The following JARID2 variants were observed in gnomAD, a reference collection of about 807,000 sequenced individuals.
The protein encoded by JARID2 is protein Jumonji.
JARID2 carries 21 observed loss-of-function variants against 125.6 expected under a neutral mutation model. The ratio of observed to expected loss-of-function variants is 0.17; its 90% CI spans 0.12 to 0.24. The LOEUF (loss-of-function observed/expected upper bound fraction) is 0.24, where lower values mean the gene tolerates loss of function less well. Ranked by LOEUF, JARID2 falls within the 10% of genes least tolerant of loss-of-function variation. The pLI, the probability that JARID2 is intolerant of heterozygous loss-of-function variation, is 1.00. For missense variants in JARID2, 1,303 were observed against 1,639.6 expected, an observed-to-expected ratio of 0.79 and a Z score of 3.55; for synonymous variants, 736 against 661.6, an observed-to-expected ratio of 1.11 and a Z score of -1.73.
At chr6:15,438,812 T>G (rs1047146349) in intron 3 of JARID2, among the ~76,000 whole-genome samples, 10 of 152,152 alleles carry the variant, frequency 6.6e-5, no homozygotes, top group African/African-American at 2.4e-4. Context: ...GCGGATTGCC[T>G]GAGGTCAGGA....
intron 1 of JARID2, among the ~76,000 whole-genome samples, chr6:15,276,991 T>C (rs1355045524): frequency 6.6e-6 from 1 of 152,186 alleles, no homozygotes; most frequent in Non-Finnish European, 1.5e-5. Context: ...ACCATGAAGT[T>C]CGTTAGAAGA....
intron 1 of JARID2, among the ~76,000 whole-genome samples, chr6:15,283,805 A>T (rs972524070): frequency 6.8e-6 from 1 of 147,322 alleles, no homozygotes; most frequent in Non-Finnish European, 1.5e-5. Flanking sequence ...TCCTGGGTTC[A>T]TGCCATTCTC....
At chr6:15,509,226 G>A (rs1384092106) in intron 12 of JARID2, 17 of 1,210,392 alleles carry the variant, frequency 1.4e-5, no homozygotes, top group African/African-American at 4.7e-5. Context: ...CTTTGTTTAC[G>A]GCGGCAGATG....
rs141007316 is a variant in JARID2, at chr6:15,250,545, C to T, written c.45+3961C>T. Among the ~76,000 whole-genome samples the T allele has an allele frequency of 2.0e-4, 30 of 152,228 alleles. No homozygotes were observed. In the East Asian group the frequency reaches 5.6e-3, roughly 28 times the overall value. On this transcript the variant is annotated intron_variant, in intron 1 of 17. Transcript: ENST00000341776. ...TTTAGCTCCTATCACTGTACAGGGA[C>T]AGTATGGAAGGAAGACACAATGAAG... is the stretch of plus-strand genomic sequence containing the variant.
intron 17 of JARID2, among the ~76,000 whole-genome samples, chr6:15,518,265 G>A (rs988076321): frequency 1.3e-5 from 2 of 152,160 alleles, no homozygotes; most frequent in South Asian, 2.1e-4. Context: ...CCTGGAAAGC[G>A]CTCTGTGAAT....
At chr6:15,257,422 A>G (rs905591158) in intron 1 of JARID2, among the ~76,000 whole-genome samples, 6 of 152,074 alleles carry the variant, frequency 3.9e-5, no homozygotes, top group African/African-American at 1.4e-4. Context: ...TATTTTTGTT[A>G]CCTCCTGTTT....
chr6:15,439,968 T>C (rs1767375195), intron 3 of JARID2, among the ~76,000 whole-genome samples: 1 of 152,236 alleles, frequency 6.6e-6, no homozygotes, highest in Non-Finnish European at 1.5e-5. Flanking sequence ...CCAGCAATGC[T>C]GTACCTTTAG....
intron 6 of JARID2, among the ~76,000 whole-genome samples, chr6:15,490,737 G>T (rs1770111451): frequency 2.0e-5 from 3 of 152,212 alleles, no homozygotes; most frequent in Non-Finnish European, 4.4e-5. Context: ...CTGCTTACAT[G>T]CAGTGACAGA....
At position 15,452,015 on chromosome 6, in the gene JARID2, G is replaced by A; in HGVS notation, c.333G>A (p.Leu111=). 5 of 1,613,304 alleles carry A rather than the reference G, an allele frequency of 3.1e-6. No individual in the cohort carries two copies. Among genetic ancestry groups the A allele is most frequent in the Non-Finnish European group, 4.2e-6 (5 of 1,179,718 alleles). The change falls in exon 4 of 18, where the codon CTG becomes CTA. Residue 111 remains leucine (L), a synonymous_variant. Transcript: ENST00000341776. The part of the protein sequence containing the change: ...EEGPSRKRPR[L]QAQRKFAQSQ... The stretch of plus-strand genomic sequence containing the variant: ...TCTTTTGCTTTTGCAGGCCCAGGCT[G>A]CAAGCACAAAGGAAGTTTGCTCAGT...
chr6:15,331,619 A>G (rs1561796650), intron 1 of JARID2, among the ~76,000 whole-genome samples: 1 of 152,120 alleles, frequency 6.6e-6, no homozygotes, highest in Non-Finnish European at 1.5e-5. Context: ...TAATCCCAGC[A>G]CTTTGGGAGG....
At chr6:15,264,646 A>T (rs1382890236) in intron 1 of JARID2, among the ~76,000 whole-genome samples, 20 of 118,272 alleles carry the variant, frequency 1.7e-4, no homozygotes, top group South Asian at 3.0e-4. Flanking sequence ...TGTGTGAGAG[A>T]GAGAGAGATA....
rs1436787694 is a variant in JARID2 at position 15,258,011 on chromosome 6, G to A, written c.45+11427G>A. ...TACAATGATGTTCTTATTCTTATAT[G>A]TATGAAATGCTTTTTGTTGTGAGGA... On this transcript the variant is annotated intron_variant, in intron 1 of 17. Transcript: ENST00000341776. 4.6e-5 allele frequency among the ~76,000 whole-genome samples: 7 copies of A among 152,182 alleles called. No homozygotes were observed. The East Asian group carries it at 7.7e-4, about 17-fold the overall frequency.
At chr6:15,317,939 C>G (rs1447298691) in intron 1 of JARID2, among the ~76,000 whole-genome samples, 2 of 152,192 alleles carry the variant, frequency 1.3e-5, no homozygotes, top group Admixed American at 1.3e-4. Context: ...CCTGCAAGTT[C>G]CAGCAGATGA....
chr6:15,517,084 G>C (rs1475517900), intron 16 of JARID2, 77 bp from the exon 17 acceptor site: 6 of 1,071,008 alleles, frequency 5.6e-6, no homozygotes, highest in Admixed American at 3.5e-5. Context: ...TGCCCGGCCG[G>C]GCGTGCTCCT....
At chr6:15,449,011 G>A (rs1432709270) in intron 3 of JARID2, among the ~76,000 whole-genome samples, 1 of 151,656 alleles carries the variant, frequency 6.6e-6, no homozygotes, top group Non-Finnish European at 1.5e-5. Context: ...AAATTTAAAA[G>A]GGGAAAAACA....
chr6:15,345,421 T>C (rs1763212372), intron 1 of JARID2, among the ~76,000 whole-genome samples: 1 of 152,190 alleles, frequency 6.6e-6, no homozygotes, highest in Non-Finnish European at 1.5e-5. Context: ...ATTTGTCCTC[T>C]AATTGAAAAT....
chr6:15,413,015 T>TG (rs1765963861), intron 3 of JARID2, among the ~76,000 whole-genome samples: 1 of 94,394 alleles, frequency 1.1e-5, no homozygotes, highest in African/African-American at 3.9e-5. Flanking sequence ...TTTGTTTTTT[T>TG]TTTTTTTGTT....
chr6:15,286,400 C>G (rs1012859845), intron 1 of JARID2, among the ~76,000 whole-genome samples: 5 of 151,480 alleles, frequency 3.3e-5, no homozygotes, highest in Non-Finnish European at 5.9e-5. Context: ...TACAGGTGCC[C>G]ACCACCACAC....
At chr6:15,375,446 C>T (rs988062741) in intron 2 of JARID2, among the ~76,000 whole-genome samples, 1 of 152,176 alleles carries the variant, frequency 6.6e-6, no homozygotes, top group African/African-American at 2.4e-5. Flanking sequence ...AAATCTCAGC[C>T]AACATGTATG....
Sources: allele counts gnomAD v4.1 joint callset (sites outside exome capture counted in the v4.1 genomes callset), GRCh38; gene constraint gnomAD v4.1.1; transcripts MANE v1.5; gene names NCBI Gene and HGNC (gene_info 2026-07-23, HGNC 2026-07-21).